KLF12: variants seen among roughly 807,000 people sequenced by gnomAD.
The protein encoded by KLF12 is KLF transcription factor 12.
A neutral mutation model predicts 37.8 loss-of-function variants in KLF12; 9 were observed. That is an observed-to-expected ratio of 0.24 (90% CI 0.14 to 0.42). The LOEUF is 0.42. Ranked by LOEUF, KLF12 falls within the 10% of genes least tolerant of loss-of-function variation. The pLI is 1.00. For synonymous variants in KLF12, 208 were observed against 202.1 expected (o/e 1.03, Z -0.25); for missense variants, 411 against 516.0 (o/e 0.80, Z 1.97).
chr13:73,920,745 G>C (rs2139215410), intron 3 of KLF12, among the ~76,000 whole-genome samples: 1 of 152,026 alleles, frequency 6.6e-6, no homozygotes, highest in Admixed American at 6.6e-5. Context: ...TCCCTCAAGA[G>C]TCATCTCTCT....
intron 1 of KLF12, among the ~76,000 whole-genome samples, chr13:73,997,962 G>C (rs1238767888): frequency 6.6e-6 from 1 of 152,138 alleles, no homozygotes; most frequent in African/African-American, 2.4e-5. Flanking sequence ...TTAGAGGAGA[G>C]ACTGGAGAAA....
chr13:74,241,799 C>T, the KLF12 span, among the ~76,000 whole-genome samples: 13 of 152,334 alleles, frequency 8.5e-5, no homozygotes, highest in African/African-American at 2.4e-4. Context: ...CGCCCTGCTT[C>T]GGCTCGCGCA....
intron 3 of KLF12, among the ~76,000 whole-genome samples, chr13:73,875,333 T>C (rs1886655653): frequency 6.6e-6 from 1 of 152,168 alleles, no homozygotes; most frequent in African/African-American, 2.4e-5. Flanking sequence ...TACGATATAG[T>C]TCTAATATTT....
rs185044373 is a variant in KLF12 at position 74,086,760 on chromosome 13, T to A, written c.-32+46979A>T. On this transcript the variant is annotated intron_variant, in intron 1 of 7. Transcript: ENST00000377669. ...AAAAACTTAACTACTAATAGCATGC[T>A]GTTGGCCAGAAGCCTCACAGATAAC... is the stretch of plus-strand genomic sequence containing the variant. Among the ~76,000 whole-genome samples the A allele has an allele frequency of 3.3e-5, 5 of 152,300 alleles. No individual in the cohort carries two copies. The East Asian group carries it at 9.6e-4, about 29-fold the overall frequency.
the KLF12 span, among the ~76,000 whole-genome samples, chr13:74,298,943 C>T: frequency 1.3e-5 from 2 of 151,994 alleles, no homozygotes; most frequent in African/African-American, 4.8e-5. Context: ...CTATATTTGT[C>T]CAAAGATTAC....
the KLF12 span, among the ~76,000 whole-genome samples, chr13:74,161,875 G>A: frequency 2.0e-5 from 3 of 152,198 alleles, no homozygotes; most frequent in East Asian, 5.8e-4. Context: ...AGGGGTCAGG[G>A]GGAATCATAT....
chr13:74,197,789 A>T, the KLF12 span, among the ~76,000 whole-genome samples: 1 of 152,164 alleles, frequency 6.6e-6, no homozygotes, highest in South Asian at 2.1e-4. Context: ...CATTTTATGA[A>T]ATATTTTCAT....
At chr13:73,753,946 C>G (rs1594050864) in intron 6 of KLF12, among the ~76,000 whole-genome samples, 1 of 152,050 alleles carries the variant, frequency 6.6e-6, no homozygotes, top group Admixed American at 6.5e-5. Context: ...TTTTTTGGAG[C>G]CCTTTTCTCC....
chr13:73,791,162 A>G (rs9573289), intron 5 of KLF12, among the ~76,000 whole-genome samples: 25,986 of 152,270 alleles, frequency 0.17, 2,953 homozygotes, highest in African/African-American at 0.33. Context: ...AAAATATGAT[A>G]GAAATTAAAG....
chr13:74,070,576 C>T lies in KLF12; in HGVS notation c.-32+63163G>A, dbSNP rs57977876. 5.3e-3 allele frequency among the ~76,000 whole-genome samples: 805 copies of T among 152,258 alleles called. 14 individuals carry two copies. The highest frequency in any genetic ancestry group is 0.017 in the African/African-American group (725 of 41,542). On this transcript the variant is annotated intron_variant, in intron 1 of 7. Transcript: ENST00000377669. ...CCACCATCCAAAACAACTCACCTTCCGCAGAGTGAGGGGAAGGATGGAAGA... is the reference window on the plus strand; with the variant it reads ...CCACCATCCAAAACAACTCACCTTCTGCAGAGTGAGGGGAAGGATGGAAGA...
the KLF12 span, among the ~76,000 whole-genome samples, chr13:74,194,584 C>T: frequency 4.6e-5 from 7 of 152,104 alleles, no homozygotes; most frequent in Non-Finnish European, 7.4e-5. Context: ...GGGGAAGAGA[C>T]CTCATGACCT....
chr13:73,856,855 C>T (rs569604171), intron 3 of KLF12, among the ~76,000 whole-genome samples: 6 of 151,940 alleles, frequency 3.9e-5, no homozygotes, highest in South Asian at 4.2e-4. Flanking sequence ...GGTGTGGTGG[C>T]GTTTGCCTGT....
intron 4 of KLF12, among the ~76,000 whole-genome samples, chr13:73,842,653 A>C (rs941921741): frequency 1.2e-4 from 19 of 152,378 alleles, no homozygotes; most frequent in African/African-American, 4.1e-4. Flanking sequence ...AAAAGTAGCC[A>C]GTACAATCAT....
At chr13:73,963,277 T>C (rs1418849836) in intron 2 of KLF12, among the ~76,000 whole-genome samples, 1 of 113,798 alleles carries the variant, frequency 8.8e-6, no homozygotes, top group Admixed American at 9.7e-5. Context: ...TATAAGAGAG[T>C]CATTTATACA....
intron 4 of KLF12, among the ~76,000 whole-genome samples, chr13:73,820,768 T>C (rs1163887731): frequency 6.6e-6 from 1 of 152,240 alleles, no homozygotes; most frequent in African/African-American, 2.4e-5. Flanking sequence ...CCTCATAATG[T>C]TCTTATAATT....
chr13:74,267,572 G>A, the KLF12 span, among the ~76,000 whole-genome samples: 2 of 152,164 alleles, frequency 1.3e-5, no homozygotes, highest in African/African-American at 4.8e-5. Context: ...GGCTACCACA[G>A]GCTGGAAAGT....
the KLF12 span, among the ~76,000 whole-genome samples, chr13:74,268,980 AG>A: frequency 1.3e-5 from 2 of 152,226 alleles, no homozygotes; most frequent in Non-Finnish European, 2.9e-5. Flanking sequence ...GGAGGCAGAA[AG>A]GAGAATGGAC....
At chr13:74,281,977 C>T in the KLF12 span, among the ~76,000 whole-genome samples, 1 of 152,166 alleles carries the variant, frequency 6.6e-6, no homozygotes, top group Non-Finnish European at 1.5e-5. Context: ...TCAGGAGCAC[C>T]TTCAGAAGCA....
intron 1 of KLF12, among the ~76,000 whole-genome samples, chr13:74,045,246 G>A (rs985703860): frequency 3.5e-4 from 54 of 152,304 alleles, no homozygotes; most frequent in African/African-American, 1.3e-3. Context: ...GTATGGAGAT[G>A]ATAAGTCATT....
Sources: allele counts gnomAD v4.1 joint callset (sites outside exome capture counted in the v4.1 genomes callset), GRCh38; gene constraint gnomAD v4.1.1; transcripts MANE v1.5; gene names NCBI Gene and HGNC (gene_info 2026-07-23, HGNC 2026-07-21).